Variants in TUT4 observed in about 807,000 individuals in gnomAD.
TUT4 encodes the protein terminal uridylyl transferase 4, also known as terminal uridylyltransferase 4.
In TUT4, 36 loss-of-function variants were observed where a neutral mutation model predicts 192.2. That is an observed-to-expected ratio of 0.19 (90% CI 0.14 to 0.25). TUT4 has a LOEUF of 0.25. TUT4 is among the 10% of genes least tolerant of loss of function. The pLI is 1.00. For synonymous variants in TUT4, 618 were observed against 666.0 expected (o/e 0.93, Z 1.11); for missense variants, 1,493 against 1,957.2 (o/e 0.76, Z 4.47).
chr1:52,428,837 G>A (rs1650957662), intron 28 of TUT4, among the ~76,000 whole-genome samples: 1 of 151,898 alleles, frequency 6.6e-6, no homozygotes, highest in Non-Finnish European at 1.5e-5. Flanking sequence ...AACAAGGACT[G>A]GGTATTAGAT....
chr1:52,431,461 C>G lies in TUT4; in HGVS notation c.4264-1G>C. On this transcript the variant is annotated splice_acceptor_variant, in intron 27 of 29. Transcript: ENST00000257177. LOFTEE classifies it high-confidence loss of function. ...GAGGAGAATAAGATGGTGATTCAGA[C>G]TGCAGACAAAAAAAAAATTTTTTTT... 1 of 1,522,722 alleles carries G rather than the reference C, an allele frequency of 6.6e-7. No homozygotes were observed. The allele number at this position is 1,522,722 out of a possible 1,614,324, so 94.3% of individuals were successfully genotyped here.
intron 3 of TUT4, chr1:52,515,175 A>T (rs1412479710): frequency 6.6e-6 from 1 of 152,240 alleles, no homozygotes; most frequent in Non-Finnish European, 1.5e-5. Flanking sequence ...GGAATAAGAT[A>T]CCAATGGCTA....
intron 20 of TUT4, among the ~76,000 whole-genome samples, chr1:52,455,278 T>G (rs1039716742): frequency 6.6e-6 from 1 of 151,852 alleles, no homozygotes; most frequent in Non-Finnish European, 1.5e-5. Context: ...AGCAAGACCC[T>G]CTCTCAAAAA....
At chr1:52,429,888 C>T (rs753401469) in intron 28 of TUT4, among the ~76,000 whole-genome samples, 6 of 151,844 alleles carry the variant, frequency 4.0e-5, no homozygotes, top group East Asian at 3.9e-4. Flanking sequence ...GCCACAGTGC[C>T]GGCCTGTGTA....
chr1:52,472,632 G>C lies in TUT4; in HGVS notation c.2728-530C>G, dbSNP rs1666067980. On this transcript the variant is annotated intron_variant, in intron 13 of 29. Transcript: ENST00000257177. ...CTAATTTACTAAATTAGTTGCTCAA[G>C]AGACCAAACTGCAGACTGAACACTA... is the stretch of plus-strand genomic sequence containing the variant. 2.6e-5 allele frequency among the ~76,000 whole-genome samples: 4 copies of C among 151,444 alleles called. No individual in the cohort carries two copies. In the South Asian group the frequency reaches 8.3e-4, roughly 32 times the overall value.
rs114780723 is a variant in TUT4, at chr1:52,527,710, G to C, written c.-93-1337C>G. Among the ~76,000 whole-genome samples, 918 of 152,158 alleles carry C rather than the reference G, an allele frequency of 6.0e-3. 4 individuals are homozygous for C. The highest frequency in any genetic ancestry group is 0.01 in the Middle Eastern group (3 of 292). On this transcript the variant is annotated intron_variant, in intron 1 of 29. Coordinates refer to ENST00000257177, the MANE Select transcript of TUT4 (RefSeq NM_001009881.3). ...AGAATGAACCCTAAAGTAAACTATAGACACTGGGTGATAAGGTATCAATGC... is the reference window on the plus strand; with the variant it reads ...AGAATGAACCCTAAAGTAAACTATACACACTGGGTGATAAGGTATCAATGC...
chr1:52,447,397 C>G (rs779243111), intron 20 of TUT4, among the ~76,000 whole-genome samples: 1 of 150,018 alleles, frequency 6.7e-6, no homozygotes, highest in Non-Finnish European at 1.5e-5. Context: ...TGCAGTCAGC[C>G]GAGATCGTGC....
rs745879000 is a variant in TUT4, at chr1:52,526,284, T to C, written c.-4A>G. The C allele has an allele frequency of 6.7e-7, 1 of 1,498,920 alleles. No homozygotes were observed. Among genetic ancestry groups the C allele is most frequent in the South Asian group, 1.4e-5 (1 of 71,234 alleles). The allele number at this position is 1,498,920 out of a possible 1,614,324, so 92.9% of individuals were successfully genotyped here. Reference sequence around the variant, plus strand: ...TTAAGGTTTTAGACTCTTCCATTATTTGAAAATCTGTTTCTTTCCAATTGT... The same window carrying C: ...TTAAGGTTTTAGACTCTTCCATTATCTGAAAATCTGTTTCTTTCCAATTGT... On this transcript the variant is annotated 5_prime_UTR_variant, in exon 2 of 30. Transcript: ENST00000257177.
chr1:52,469,590 G>GATAA (rs1428063693), intron 14 of TUT4, among the ~76,000 whole-genome samples: 1 of 152,024 alleles, frequency 6.6e-6, no homozygotes, highest in Admixed American at 6.6e-5. Context: ...GTTTAATACA[G>GATAA]ATAAGATGGC....
At chr1:52,501,037 A>T (rs1673946815) in intron 4 of TUT4, among the ~76,000 whole-genome samples, 1 of 152,236 alleles carries the variant, frequency 6.6e-6, no homozygotes, top group African/African-American at 2.4e-5. Context: ...GTTTCATGAC[A>T]TTGGATTTGG....
intron 1 of TUT4, among the ~76,000 whole-genome samples, chr1:52,547,556 C>T (rs1177201879): frequency 6.6e-6 from 1 of 152,114 alleles, no homozygotes; most frequent in Non-Finnish European, 1.5e-5. Context: ...AATGTACATC[C>T]ACACAAAAAC....
intron 4 of TUT4, among the ~76,000 whole-genome samples, chr1:52,509,206 C>A (rs72666827): frequency 2.6e-5 from 4 of 152,292 alleles, no homozygotes; most frequent in Admixed American, 6.5e-5. Flanking sequence ...ATCTTCCCCC[C>A]CTAACAAGAC....
chr1:52,444,853 C>A (rs147094267), intron 24 of TUT4, among the ~76,000 whole-genome samples: 182 of 150,324 alleles, frequency 1.2e-3, no homozygotes, highest in African/African-American at 4.1e-3. Flanking sequence ...ATTATGGGAC[C>A]TTGTGATCAT....
chr1:52,429,642 A>G (rs926440200), intron 28 of TUT4, among the ~76,000 whole-genome samples: 1 of 151,254 alleles, frequency 6.6e-6, no homozygotes, highest in Admixed American at 6.6e-5. Context: ...CCCAGGCTGG[A>G]ATGCAATGGC....
At chr1:52,452,938 C>A (rs1335075380) in intron 20 of TUT4, among the ~76,000 whole-genome samples, 1 of 152,152 alleles carries the variant, frequency 6.6e-6, no homozygotes, top group Non-Finnish European at 1.5e-5. Context: ...CCAGTGGAAT[C>A]TGATACTACA....
rs79315787 is a variant in TUT4 at position 52,461,691 on chromosome 1, G to A, written c.3127+21C>T. The A allele has an allele frequency of 2.3e-3, 3,572 of 1,535,128 alleles. 70 individuals are homozygous for A. In the African/African-American group the frequency reaches 0.045, roughly 19 times the overall value. On this transcript the variant is annotated intron_variant, in intron 17 of 29. Transcript: ENST00000257177. The stretch of plus-strand genomic sequence containing the variant: ...CTAAAAAAATTTATTTTGTTTTACA[G>A]ATAAGATTCAAAATTCATACCTGGA...
Position 52,497,191 on chromosome 1 carries a change from T to G in TUT4, c.1000-8A>C. On this transcript the variant is annotated splice_region_variant and splice_polypyrimidine_tract_variant and intron_variant, in intron 4 of 29. Transcript: ENST00000257177. ...ACTTTCTTCTTGTTTTTCCTATTAA[T>G]GTAATGATTCACAACAATAAAAACA... The G allele has an allele frequency of 6.3e-7, 1 of 1,591,094 alleles. No individual in the cohort carries two copies.
chr1:52,425,312 C>A, intron 29 of TUT4, 37 bp downstream of exon 29: 1 of 1,590,328 alleles, frequency 6.3e-7, no homozygotes, highest in East Asian at 2.3e-5. Flanking sequence ...GAATAAAACC[C>A]ACCCAAGCCT....
chr1:52,531,629 T>A (rs1272281105), intron 1 of TUT4, among the ~76,000 whole-genome samples: 1 of 152,166 alleles, frequency 6.6e-6, no homozygotes, highest in African/African-American at 2.4e-5. Context: ...TTTTTAATTG[T>A]TCACACTTTA....
Sources: allele counts gnomAD v4.1 joint callset (sites outside exome capture counted in the v4.1 genomes callset), GRCh38; gene constraint gnomAD v4.1.1; transcripts MANE v1.5; gene names NCBI Gene and HGNC (gene_info 2026-07-23, HGNC 2026-07-21).